The following FBXO47 variants were observed in gnomAD, a reference collection of about 807,000 sequenced individuals.
FBXO47 encodes the protein F-box only protein 47.
FBXO47 carries 34 observed loss-of-function variants against 53.9 expected under a neutral mutation model. That is an observed-to-expected ratio of 0.63 (90% CI 0.48 to 0.84). The LOEUF is 0.84. FBXO47 is among the 40% of genes least tolerant of loss of function. The probability of loss-of-function intolerance (pLI) is 0.00; values close to 1 mark genes in which losing one functional copy is unlikely to be tolerated. For missense variants in FBXO47, 485 were observed against 541.3 expected (o/e 0.90, Z 1.03); for synonymous variants, 165 against 181.6 (o/e 0.91, Z 0.73).
intron 2 of FBXO47, 100 bp from the exon 3 acceptor site, chr17:38,962,147 CATT>C: frequency 1.1e-6 from 1 of 895,030 alleles, no homozygotes; most frequent in Non-Finnish European, 1.7e-6. Flanking sequence ...CAATCGTCAT[CATT>C]ATCACCATCA....
intron 3 of FBXO47, among the ~76,000 whole-genome samples, chr17:38,960,792 C>T (rs1293275361): frequency 2.6e-5 from 4 of 151,914 alleles, no homozygotes; most frequent in Non-Finnish European, 5.9e-5. Context: ...CCACCATGCC[C>T]GGCTAATTTT....
At chr17:38,944,817 G>C in intron 7 of FBXO47, 143 bp downstream of exon 7, 1 of 505,336 alleles carries the variant, frequency 2.0e-6, no homozygotes, top group Non-Finnish European at 3.2e-6. Flanking sequence ...GTTGCAGTGA[G>C]CCATGATCGC....
chr17:38,946,252 A>AT (rs1904794204), intron 6 of FBXO47, among the ~76,000 whole-genome samples: 2 of 108,676 alleles, frequency 1.8e-5, no homozygotes, highest in Non-Finnish European at 1.6e-5. Flanking sequence ...ATATAAATAT[A>AT]AAAATATGTA....
At chr17:38,954,806 T>C in intron 5 of FBXO47, 50 bp downstream of exon 5, 1 of 1,045,276 alleles carries the variant, frequency 9.6e-7, no homozygotes, top group Middle Eastern at 2.6e-4. Flanking sequence ...ATTCTATTTG[T>C]TATCAGTTCC....
chr17:38,944,641 G>A (rs35152618), intron 7 of FBXO47, among the ~76,000 whole-genome samples: 44,860 of 148,298 alleles, frequency 0.3, 7,586 homozygotes, highest in South Asian at 0.41. Flanking sequence ...ATTGGAGCTC[G>A]CAGTGAGCCG....
chr17:38,950,667 G>A (rs1662716469), intron 6 of FBXO47, among the ~76,000 whole-genome samples: 2 of 151,882 alleles, frequency 1.3e-5, no homozygotes, highest in South Asian at 4.2e-4. Flanking sequence ...GAAACAGCTC[G>A]ATATAAGGTT....
In FBXO47 at chr17:38,957,181, G is replaced by C. The variant is rs758171586; in HGVS notation, c.425C>G (p.Thr142Arg). The C allele has an allele frequency of 6.3e-7, 1 of 1,592,142 alleles. No homozygotes were observed. Among genetic ancestry groups the C allele is most frequent in the Non-Finnish European group, 8.6e-7 (1 of 1,160,726 alleles). Residue 142 changes from threonine to arginine, a missense_variant, in exon 4 of 11, where the codon ACA becomes AGA. Physicochemically the swap from Thr to Arg is moderately conservative, Grantham distance 71. Transcript: ENST00000378079. ...AATTTAGAAGTATGATCTTACTTCT[G>C]TGAGTATCTTGTGAATGTATTTTAG... ...ERLKYIHKIL[T>R]EVSCFKFNGC...
chr17:38,957,352 T>C (rs1206240067), intron 3 of FBXO47, 99 bp from the exon 4 acceptor site: 4 of 778,936 alleles, frequency 5.1e-6, no homozygotes, highest in African/African-American at 3.4e-5. Context: ...GTATGGTATA[T>C]CACAGTGGAC....
chr17:38,965,979 T>C (rs1041090981), intron 1 of FBXO47, among the ~76,000 whole-genome samples: 4 of 152,030 alleles, frequency 2.6e-5, no homozygotes, highest in Non-Finnish European at 5.9e-5. Context: ...CTTTGGTTTA[T>C]ATAATTTCAG....
intron 7 of FBXO47, among the ~76,000 whole-genome samples, chr17:38,944,345 G>C (rs1306612399): frequency 1.3e-5 from 2 of 151,712 alleles, no homozygotes; most frequent in Non-Finnish European, 2.9e-5. Flanking sequence ...GGGTACCAAA[G>C]TGGGACCCTG....
intron 6 of FBXO47, among the ~76,000 whole-genome samples, chr17:38,946,416 A>C (rs1460217174): frequency 1.1e-5 from 1 of 94,254 alleles, no homozygotes; most frequent in Non-Finnish European, 1.8e-5. Context: ...ATAGATATAT[A>C]TATAACTATA....
intron 10 of FBXO47, among the ~76,000 whole-genome samples, chr17:38,938,104 T>G (rs920026287): frequency 6.6e-6 from 1 of 152,240 alleles, no homozygotes; most frequent in African/African-American, 2.4e-5. Context: ...GCTTTATTGC[T>G]TCTAACTTTG....
rs1315109663 is a variant in FBXO47 at position 38,952,962 on chromosome 17, C to G, written c.508-1273G>C. On this transcript the variant is annotated intron_variant, in intron 5 of 10. Transcript: ENST00000378079. ...AGCAACTACGCCTGGCTATTTATGA[C>G]TTTTGAATGTGAACAAACAAAACAC... Among the ~76,000 whole-genome samples, 6 of 151,418 alleles carry G rather than the reference C, an allele frequency of 4.0e-5. 1 individual carries two copies. The East Asian group carries it at 1.2e-3, about 30-fold the overall frequency.
At chr17:38,955,310 C>T (rs528615777) in intron 4 of FBXO47, among the ~76,000 whole-genome samples, 30 of 151,224 alleles carry the variant, frequency 2.0e-4, no homozygotes, top group African/African-American at 7.0e-4. Flanking sequence ...ATGGCATGAA[C>T]CCAGGAGGCG....
chr17:38,959,624 T>TTG (rs34354922), intron 3 of FBXO47, among the ~76,000 whole-genome samples: 31,356 of 125,910 alleles, frequency 0.25, 3,713 homozygotes, highest in Middle Eastern at 0.3. Context: ...CTTCAAAGCA[T>TTG]TGTGTGTGTG....
rs548297331 is a variant in FBXO47 at position 38,961,357 on chromosome 17, A to G, written c.352+520T>C. Among the ~76,000 whole-genome samples, 21 of 152,334 alleles carry G rather than the reference A, an allele frequency of 1.4e-4. No homozygotes were observed. In the South Asian group the frequency reaches 4.1e-3, roughly 30 times the overall value. On this transcript the variant is annotated intron_variant, in intron 3 of 10. Coordinates refer to ENST00000378079, the MANE Select transcript of FBXO47 (RefSeq NM_001008777.3). ...ATCAATGAATGGAGTAAAAGGCATAAATGATTACAAATTAAGGAAGAAAGA... is the reference window on the plus strand; with the variant it reads ...ATCAATGAATGGAGTAAAAGGCATAGATGATTACAAATTAAGGAAGAAAGA...
At chr17:38,944,932 G>A (rs768851196) in intron 7 of FBXO47, 28 bp downstream of exon 7, 24 of 1,592,746 alleles carry the variant, frequency 1.5e-5, no homozygotes, top group Admixed American at 3.4e-5. Flanking sequence ...AACCAGTTAT[G>A]TTACAACCCT....
chr17:38,941,074 AC>A (rs1296987350), intron 9 of FBXO47, among the ~76,000 whole-genome samples: 1 of 151,580 alleles, frequency 6.6e-6, no homozygotes, highest in Non-Finnish European at 1.5e-5. Flanking sequence ...AGCCTTGACC[AC>A]CCAGACTCAA....
At chr17:38,957,347 G>C (rs573119501) in intron 3 of FBXO47, 94 bp from the exon 4 acceptor site, 1 of 804,568 alleles carries the variant, frequency 1.2e-6, no homozygotes, top group East Asian at 2.5e-5. Context: ...GTCAAGTATG[G>C]TATATCACAG....
Sources: gnomAD v4.1 joint callset for allele counts (sites outside exome capture counted in the v4.1 genomes callset) on GRCh38, gnomAD v4.1.1 for gene constraint, MANE v1.5 for transcripts, NCBI Gene and HGNC (gene_info 2026-07-23, HGNC 2026-07-21) for gene names.